The following ALG14 variants were observed in gnomAD, a reference collection of about 807,000 sequenced individuals.
ALG14 encodes the protein UDP-N-acetylglucosamine transferase subunit ALG14.
In ALG14, 17 loss-of-function variants were observed where a neutral mutation model predicts 22.8. The ratio of observed to expected loss-of-function variants is 0.75; its 90% CI spans 0.51 to 1.12. The LOEUF (loss-of-function observed/expected upper bound fraction) is 1.12, where lower values mean the gene tolerates loss of function less well. Ranked by LOEUF, ALG14 falls within the 50% of genes most tolerant of loss-of-function variation. ALG14 has a pLI of 0.00. For synonymous variants in ALG14, 89 were observed against 103.7 expected (o/e 0.86, Z 0.86); for missense variants, 288 against 271.8 (o/e 1.06, Z -0.42).
chr1:95,064,786 G>A, intron 2 of ALG14, 80 bp downstream of exon 2: 24 of 1,380,916 alleles, frequency 1.7e-5, no homozygotes, highest in East Asian at 4.7e-5. Flanking sequence ...GGGCACTGAA[G>A]TGCCATGAGA....
At chr1:95,069,224 G>T (rs924903750) in intron 1 of ALG14, among the ~76,000 whole-genome samples, 1 of 152,148 alleles carries the variant, frequency 6.6e-6, no homozygotes, top group Non-Finnish European at 1.5e-5. Flanking sequence ...CGTGCCTGTG[G>T]TACCAGCTAC....
chr1:95,022,518 G>A (rs1413767385), intron 3 of ALG14, among the ~76,000 whole-genome samples: 1 of 152,222 alleles, frequency 6.6e-6, no homozygotes, highest in Non-Finnish European at 1.5e-5. Context: ...TAAGGAGGCT[G>A]CCAAATTTAC....
chr1:95,037,446 A>G (rs1674235982), intron 2 of ALG14, among the ~76,000 whole-genome samples: 1 of 152,154 alleles, frequency 6.6e-6, no homozygotes, highest in African/African-American at 2.4e-5. Flanking sequence ...GAAGAGGAAG[A>G]GACATGAGGC....
intron 3 of ALG14, among the ~76,000 whole-genome samples, chr1:95,013,143 A>G (rs1673413523): frequency 6.6e-6 from 1 of 151,584 alleles, no homozygotes; most frequent in East Asian, 1.9e-4. Context: ...ACAATAAAAA[A>G]AAACCCAGAA....
intron 2 of ALG14, among the ~76,000 whole-genome samples, chr1:95,041,918 CTATT>C (rs1360339354): frequency 1.3e-5 from 2 of 151,972 alleles, no homozygotes; most frequent in Non-Finnish European, 2.9e-5. Flanking sequence ...AAAAGAATCC[CTATT>C]TATTACACTA....
intron 2 of ALG14, 144 bp from the exon 3 acceptor site, chr1:95,027,404 C>T: frequency 2.0e-6 from 2 of 984,586 alleles, no homozygotes; most frequent in Admixed American, 2.5e-5. Flanking sequence ...AGTTGTAATG[C>T]CTATCTCATG....
intron 2 of ALG14, among the ~76,000 whole-genome samples, chr1:95,063,668 T>G (rs1013617098): frequency 6.6e-6 from 1 of 152,240 alleles, no homozygotes; most frequent in African/African-American, 2.4e-5. Flanking sequence ...AGTATCACGC[T>G]GTTTTGGTTA....
intron 3 of ALG14, among the ~76,000 whole-genome samples, chr1:95,012,270 T>G (rs1343707941): frequency 6.6e-6 from 1 of 152,236 alleles, no homozygotes; most frequent in Admixed American, 6.5e-5. Flanking sequence ...ACTCAAAACA[T>G]TTAACCAAAT....
At chr1:95,012,447 C>T (rs554167290) in intron 3 of ALG14, among the ~76,000 whole-genome samples, 80 of 152,272 alleles carry the variant, frequency 5.3e-4, no homozygotes, top group Middle Eastern at 3.4e-3. Context: ...ACAGTTGTTT[C>T]GTCTTATTAG....
intron 3 of ALG14, among the ~76,000 whole-genome samples, chr1:94,993,146 C>T (rs1159865602): frequency 1.3e-5 from 2 of 148,734 alleles, no homozygotes; most frequent in African/African-American, 5.0e-5. Flanking sequence ...ACTTTGGTCT[C>T]TTTGTCTTCC....
chr1:95,007,448 A>G (rs1673248858), intron 3 of ALG14, among the ~76,000 whole-genome samples: 2 of 152,274 alleles, frequency 1.3e-5, no homozygotes, highest in South Asian at 4.1e-4. Context: ...TGGAATTAGT[A>G]TTGCTGCCTT....
intron 3 of ALG14, among the ~76,000 whole-genome samples, chr1:95,024,011 A>G (rs1167566625): frequency 2.0e-5 from 3 of 152,230 alleles, no homozygotes; most frequent in South Asian, 2.1e-4. Context: ...CCCCCAACAT[A>G]AGCAGTCCTC....
chr1:95,023,980 A>G (rs1162863103), intron 3 of ALG14, among the ~76,000 whole-genome samples: 1 of 152,204 alleles, frequency 6.6e-6, no homozygotes, highest in African/African-American at 2.4e-5. Context: ...CTTTACCCTC[A>G]AGAACTTTAT....
chr1:94,993,247 A>C (rs1444629213), intron 3 of ALG14, among the ~76,000 whole-genome samples: 1 of 147,316 alleles, frequency 6.8e-6, no homozygotes, highest in Non-Finnish European at 1.5e-5. Context: ...GGCTTCTTCT[A>C]TCTTTTTATA....
At chr1:95,064,766 A>T in intron 2 of ALG14, 100 bp downstream of exon 2, 2 of 1,053,030 alleles carry the variant, frequency 1.9e-6, no homozygotes, top group Non-Finnish European at 2.7e-6. Context: ...TTGACTGCCC[A>T]TTGTGGGTAG....
chr1:95,020,680 G>T (rs892959649), intron 3 of ALG14, among the ~76,000 whole-genome samples: 4 of 150,692 alleles, frequency 2.7e-5, no homozygotes, highest in Admixed American at 2.6e-4. Flanking sequence ...AGAGGTCACG[G>T]TGAGCCAAGA....
intron 3 of ALG14, among the ~76,000 whole-genome samples, chr1:95,016,942 GGTGTGTGTGTGTGTGTGTGTGTGTGT>G (rs55962309): frequency 7.7e-6 from 1 of 129,294 alleles, no homozygotes; most frequent in Non-Finnish European, 1.6e-5. Context: ...TTGCAAAAGG[GGTGTGTGTGTGTGTGTGTGTGTGTGT>G]GTGTGTGTGT....
chr1:95,065,496 G>A (rs1206699133), intron 1 of ALG14, among the ~76,000 whole-genome samples: 1 of 152,200 alleles, frequency 6.6e-6, no homozygotes, highest in African/African-American at 2.4e-5. Flanking sequence ...GGAGGCCACT[G>A]GGTGGAGATG....
intron 1 of ALG14, among the ~76,000 whole-genome samples, chr1:95,070,852 C>G (rs1261762517): frequency 6.6e-6 from 1 of 152,168 alleles, no homozygotes; most frequent in African/African-American, 2.4e-5. Flanking sequence ...CCTCCTACCT[C>G]AGCCTCCCAA....
Sources: gnomAD v4.1 joint callset for allele counts (sites outside exome capture counted in the v4.1 genomes callset) on GRCh38, gnomAD v4.1.1 for gene constraint, MANE v1.5 for transcripts, NCBI Gene and HGNC (gene_info 2026-07-23, HGNC 2026-07-21) for gene names.